Variants in PRKD1 observed in about 807,000 individuals in gnomAD.
The protein encoded by PRKD1 is serine/threonine-protein kinase D1.
A neutral mutation model predicts 95.9 loss-of-function variants in PRKD1; 63 were observed. The observed-to-expected ratio is 0.66, with a 90% confidence interval of 0.54 to 0.81. The LOEUF (loss-of-function observed/expected upper bound fraction) is 0.81. Ranked by LOEUF, PRKD1 falls within the 30% of genes least tolerant of loss-of-function variation. The pLI is 0.00. For missense variants in PRKD1, 1,048 were observed against 1,165.3 expected (o/e 0.90, Z 1.47); for synonymous variants, 425 against 423.1 (o/e 1.00, Z -0.05).
chr14:29,615,850 C>CA, intron 13 of PRKD1, among the ~76,000 whole-genome samples: 1 of 151,988 alleles, frequency 6.6e-6, no homozygotes, highest in African/African-American at 2.4e-5. Context: ...AGAATGATAG[C>CA]AAAATACACA....
At chr14:29,744,041 C>G (rs774830897) in intron 1 of PRKD1, among the ~76,000 whole-genome samples, 1 of 152,114 alleles carries the variant, frequency 6.6e-6, no homozygotes, top group Non-Finnish European at 1.5e-5. Flanking sequence ...TTTATCATCA[C>G]GCTCTTAAAG....
chr14:29,825,394 A>G lies in PRKD1; in HGVS notation c.265-99720T>C, dbSNP rs543821653. On this transcript the variant is annotated intron_variant, in intron 1 of 17. Transcript: ENST00000331968. ...TCACTGGTCAGGTAAAGGGTCATAT[A>G]TTTAAATGTGTGTGTGTGTACATGT... Among the ~76,000 whole-genome samples the G allele has an allele frequency of 5.9e-5, 9 of 152,220 alleles. No individual in the cohort carries two copies. The South Asian group carries it at 1.9e-3, about 32-fold the overall frequency.
intron 1 of PRKD1, among the ~76,000 whole-genome samples, chr14:29,807,608 G>A (rs1758717494): frequency 3.3e-5 from 5 of 151,840 alleles, no homozygotes; most frequent in Admixed American, 2.6e-4. Context: ...ATGTTGTCCA[G>A]GCTGGTCTCA....
chr14:29,832,448 T>C (rs1891448003), intron 1 of PRKD1, among the ~76,000 whole-genome samples: 1 of 152,200 alleles, frequency 6.6e-6, no homozygotes, highest in African/African-American at 2.4e-5. Flanking sequence ...CTGTTATGTA[T>C]GTTGTTTTCC....
At chr14:29,820,104 G>A (rs79333322) in intron 1 of PRKD1, among the ~76,000 whole-genome samples, 3,430 of 152,164 alleles carry the variant, frequency 0.023, 51 homozygotes, top group South Asian at 0.037. Flanking sequence ...AGGCATATCC[G>A]CCCTAAACAC....
At chr14:29,827,597 C>T (rs957720314) in intron 1 of PRKD1, among the ~76,000 whole-genome samples, 1 of 152,088 alleles carries the variant, frequency 6.6e-6, no homozygotes, top group African/African-American at 2.4e-5. Flanking sequence ...AGGCTCTTCC[C>T]CAGGCTTACT....
intron 1 of PRKD1, among the ~76,000 whole-genome samples, chr14:29,760,229 G>A (rs1287962866): frequency 6.6e-6 from 1 of 151,708 alleles, no homozygotes; most frequent in African/African-American, 2.4e-5. Flanking sequence ...ACTTCTTTAT[G>A]CCAATAAAAA....
intron 1 of PRKD1, among the ~76,000 whole-genome samples, chr14:29,867,302 G>A (rs1411270549): frequency 1.3e-5 from 2 of 152,164 alleles, no homozygotes; most frequent in African/African-American, 4.8e-5. Flanking sequence ...CATAGTGGTT[G>A]GGGAAAGAAT....
At chr14:29,734,156 C>A (rs796129418) in intron 1 of PRKD1, among the ~76,000 whole-genome samples, 7 of 150,798 alleles carry the variant, frequency 4.6e-5, no homozygotes, top group African/African-American at 1.7e-4. Flanking sequence ...AATTCTCCTG[C>A]CTCAGCCTCC....
chr14:29,623,819 A>G (rs1006564729), intron 13 of PRKD1, among the ~76,000 whole-genome samples: 8 of 152,090 alleles, frequency 5.3e-5, no homozygotes, highest in African/African-American at 1.9e-4. Context: ...ATCACAGCAT[A>G]AAGGCATGTT....
chr14:29,834,449 T>C (rs1367693759), intron 1 of PRKD1, among the ~76,000 whole-genome samples: 1 of 152,128 alleles, frequency 6.6e-6, no homozygotes, highest in Non-Finnish European at 1.5e-5. Context: ...TCAAATATCT[T>C]TTTTTCATTA....
intron 1 of PRKD1, among the ~76,000 whole-genome samples, chr14:29,884,413 T>C (rs1893622808): frequency 6.6e-6 from 1 of 152,220 alleles, no homozygotes; most frequent in Admixed American, 6.5e-5. Context: ...CACTCACTAA[T>C]ACATTATTAC....
chr14:29,756,747 G>C (rs1887718427), intron 1 of PRKD1, among the ~76,000 whole-genome samples: 1 of 152,206 alleles, frequency 6.6e-6, no homozygotes, highest in African/African-American at 2.4e-5. Flanking sequence ...AGAGCTATGG[G>C]AGCCTGCATG....
At chr14:29,774,326 A>G (rs547746110) in intron 1 of PRKD1, among the ~76,000 whole-genome samples, 2 of 152,194 alleles carry the variant, frequency 1.3e-5, no homozygotes, top group African/African-American at 4.8e-5. Context: ...TTATTAAAAC[A>G]TACCTCCTGA....
intron 16 of PRKD1, among the ~76,000 whole-genome samples, chr14:29,584,899 G>GT (rs1170079752): frequency 5.9e-5 from 9 of 152,232 alleles, no homozygotes; most frequent in Non-Finnish European, 2.9e-5. Flanking sequence ...CCTCAAGGCT[G>GT]ATCTCTTTTG....
At position 29,638,744 on chromosome 14, in the gene PRKD1, T is replaced by C. The variant is rs757872916; in HGVS notation, c.857A>G (p.Tyr286Cys). 1.9e-6 allele frequency: 3 copies of C among 1,614,144 alleles called. No individual in the cohort carries two copies. Among genetic ancestry groups the C allele is most frequent in the South Asian group, 2.2e-5 (2 of 91,092 alleles). Residue 286 changes from tyrosine (Y) to cysteine (C), a missense_variant, in exon 5 of 18, where the codon TAC (tyrosine) becomes TGC (cysteine). By Grantham distance (194) the Tyr-to-Cys change is radical (BLOSUM62 -2). Transcript: ENST00000331968. Reference sequence around the variant, plus strand: ...AAGCCCCTTCAGAAGCTTCTTGCAGTACTGGCACACTGTGGGCCGGGTGTA... The same window carrying C: ...AAGCCCCTTCAGAAGCTTCTTGCAGCACTGGCACACTGTGGGCCGGGTGTA... ...HSYTRPTVCQ[Y>C]CKKLLKGLFR...
chr14:29,622,364 T>TTTCCCTTC (rs1258685907), intron 13 of PRKD1, among the ~76,000 whole-genome samples: 42 of 36,396 alleles, frequency 1.2e-3, no homozygotes, highest in Non-Finnish European at 4.2e-4. Context: ...GGTGTATTTT[T>TTTCCCTTC]CTCCCTTCCT....
intron 1 of PRKD1, among the ~76,000 whole-genome samples, chr14:29,808,243 CTTCACCAGGAGTAGA>C (rs1566612644): frequency 6.6e-6 from 1 of 152,040 alleles, no homozygotes; most frequent in Admixed American, 6.6e-5. Context: ...TTAACGGAAT[CTTCACCAGGAGTAGA>C]TTCTAGATTC....
At chr14:29,594,093 T>C (rs945502574) in intron 16 of PRKD1, 4 of 453,484 alleles carry the variant, frequency 8.8e-6, no homozygotes, top group Non-Finnish European at 1.8e-5. Context: ...TACCAGAGGA[T>C]TGCTGTGAGG....
Sources: allele counts gnomAD v4.1 joint callset (sites outside exome capture counted in the v4.1 genomes callset), GRCh38; gene constraint gnomAD v4.1.1; transcripts MANE v1.5; gene names NCBI Gene and HGNC (gene_info 2026-07-23, HGNC 2026-07-21).